TMC1: variants seen among roughly 807,000 people sequenced by gnomAD.
TMC1 encodes the protein transmembrane channel like 1, also known as transmembrane channel-like protein 1.
In TMC1, 84 loss-of-function variants were observed where a neutral mutation model predicts 105.8. The ratio of observed to expected loss-of-function variants is 0.79; its 90% CI spans 0.67 to 0.95. The LOEUF (loss-of-function observed/expected upper bound fraction) is 0.95. Ranked by LOEUF, TMC1 falls within the 40% of genes least tolerant of loss-of-function variation. The pLI is 0.00. For synonymous variants in TMC1, 315 were observed against 311.5 expected, an observed-to-expected ratio of 1.01 and a Z score of -0.12; for missense variants, 817 against 914.1, an observed-to-expected ratio of 0.89 and a Z score of 1.37.
In TMC1 at chr9:72,660,653, T is replaced by C. The variant is rs560749371; in HGVS notation, c.16+11989T>C. Among the ~76,000 whole-genome samples, 13 of 152,300 alleles carry C rather than the reference T, an allele frequency of 8.5e-5. No individual in the cohort carries two copies. In the East Asian group the frequency reaches 2.5e-3, roughly 29 times the overall value. Reference sequence around the variant, plus strand: ...AATAGATGTATTCTAGGTTTTCATATCTTTATGGCAATATGAATAGACAAG... The same window carrying C: ...AATAGATGTATTCTAGGTTTTCATACCTTTATGGCAATATGAATAGACAAG... On this transcript the variant is annotated intron_variant, in intron 5 of 23. Coordinates refer to ENST00000297784, the MANE Select transcript of TMC1 (RefSeq NM_138691.3).
chr9:72,681,196 C>T (rs766055482), intron 5 of TMC1, among the ~76,000 whole-genome samples: 3 of 151,930 alleles, frequency 2.0e-5, no homozygotes, highest in Non-Finnish European at 2.9e-5. Flanking sequence ...CAGTGGTTGC[C>T]CTTTATGGTG....
At position 72,684,485 on chromosome 9, in the gene TMC1, C is replaced by T. The variant is rs576707618; in HGVS notation, c.17-4224C>T. On this transcript the variant is annotated intron_variant, in intron 5 of 23. Transcript: ENST00000297784. ...TCATTTTTGATTTCTTCAGTTTGTT[C>T]TTCTCCTGTTCCTCACCATTTTGAG... 5.9e-5 allele frequency among the ~76,000 whole-genome samples: 9 copies of T among 152,276 alleles called. No homozygotes were observed. In the East Asian group the frequency reaches 1.7e-3, roughly 29 times the overall value.
chr9:72,773,555 C>A (rs980662360), intron 13 of TMC1, among the ~76,000 whole-genome samples: 1 of 152,154 alleles, frequency 6.6e-6, no homozygotes, highest in Non-Finnish European at 1.5e-5. Context: ...TATTTATCAA[C>A]CTGCTAAAGT....
At chr9:72,709,515 A>G (rs1278543930) in intron 8 of TMC1, among the ~76,000 whole-genome samples, 1 of 152,020 alleles carries the variant, frequency 6.6e-6, no homozygotes, top group African/African-American at 2.4e-5. Flanking sequence ...TACTATTTCA[A>G]TTTCATTGCT....
chr9:72,694,091 G>C (rs1051639146), intron 6 of TMC1, among the ~76,000 whole-genome samples: 1 of 152,068 alleles, frequency 6.6e-6, no homozygotes, highest in African/African-American at 2.4e-5. Context: ...CTAGTTTGTA[G>C]CACCTCTTTA....
intron 1 of TMC1, among the ~76,000 whole-genome samples, chr9:72,555,105 C>G (rs893966086): frequency 4.0e-5 from 6 of 151,782 alleles, no homozygotes; most frequent in African/African-American, 1.5e-4. Context: ...TATCAAATTT[C>G]TGACCTCAAG....
At chr9:72,803,552 C>T (rs1828516188) in intron 17 of TMC1, among the ~76,000 whole-genome samples, 1 of 151,970 alleles carries the variant, frequency 6.6e-6, no homozygotes, top group African/African-American at 2.4e-5. Context: ...AACATACAAC[C>T]CCATTAAAAA....
At chr9:72,578,772 T>C (rs113234957) in intron 2 of TMC1, among the ~76,000 whole-genome samples, 2 of 152,366 alleles carry the variant, frequency 1.3e-5, no homozygotes, top group African/African-American at 4.8e-5. Flanking sequence ...TTCATATTTA[T>C]CAAGGAAACC....
chr9:72,699,945 A>G (rs1397972635), intron 7 of TMC1, among the ~76,000 whole-genome samples: 2 of 127,030 alleles, frequency 1.6e-5, no homozygotes, highest in African/African-American at 3.3e-5. Context: ...CAACAGAACG[A>G]GACTCTGTCT....
intron 6 of TMC1, among the ~76,000 whole-genome samples, chr9:72,692,962 T>C (rs55848280): frequency 0.11 from 16,590 of 151,944 alleles, 960 homozygotes; most frequent in Non-Finnish European, 0.14. Context: ...CTACTAAAAA[T>C]ACAAAAAATT....
At chr9:72,710,456 A>G (rs996227178) in intron 8 of TMC1, among the ~76,000 whole-genome samples, 1 of 152,066 alleles carries the variant, frequency 6.6e-6, no homozygotes, top group Non-Finnish European at 1.5e-5. Flanking sequence ...GAAGTCCCCC[A>G]CTATTATTGT....
At chr9:72,552,182 G>T (rs923629048) in intron 1 of TMC1, among the ~76,000 whole-genome samples, 2 of 152,158 alleles carry the variant, frequency 1.3e-5, no homozygotes, top group Non-Finnish European at 2.9e-5. Flanking sequence ...TTCTGCCAGG[G>T]AAGAGGAGAT....
At chr9:72,753,756 G>A (rs898631422) in intron 11 of TMC1, among the ~76,000 whole-genome samples, 4 of 152,162 alleles carry the variant, frequency 2.6e-5, no homozygotes, top group Non-Finnish European at 4.4e-5. Context: ...GCCTCTACCC[G>A]ACGGGCTCAC....
rs753600914 is a variant in TMC1, at chr9:72,791,928, T to C, written c.1267T>C (p.Leu423=). ...CCTCCTAGGGATGTTCTGTCCAACA[T>C]TGTTTGACTTATTTGCTGAATTAGA... ...MSLLGMFCPT[L]FDLFAELEDY... Residue 423 remains leucine (L), a synonymous_variant, in exon 16 of 24, where the codon TTG becomes CTG. Coordinates refer to ENST00000297784, the MANE Select transcript of TMC1 (RefSeq NM_138691.3). 1 of 1,613,634 alleles carries C rather than the reference T, an allele frequency of 6.2e-7. No individual in the cohort carries two copies. The highest frequency in any genetic ancestry group is 8.5e-7 in the Non-Finnish European group (1 of 1,179,904).
intron 5 of TMC1, among the ~76,000 whole-genome samples, chr9:72,685,100 CTTTTTTTTTT>C (rs71359515): frequency 1.1e-5 from 1 of 91,064 alleles, no homozygotes; most frequent in African/African-American, 4.7e-5. Flanking sequence ...TAAAGTCATT[CTTTTTTTTTT>C]TTTTTTTTTT....
chr9:72,614,568 AAGGG>A (rs1825089383), intron 2 of TMC1, among the ~76,000 whole-genome samples: 1 of 152,206 alleles, frequency 6.6e-6, no homozygotes, highest in African/African-American at 2.4e-5. Flanking sequence ...CAAGGTTTTC[AAGGG>A]AATAACTTGG....
At chr9:72,571,326 AAAAAG>A (rs1330383880) in intron 1 of TMC1, among the ~76,000 whole-genome samples, 1 of 152,050 alleles carries the variant, frequency 6.6e-6, no homozygotes, top group South Asian at 2.1e-4. Flanking sequence ...CTGTCTCAAA[AAAAAG>A]AAAAGAAAAG....
At chr9:72,589,761 A>T (rs1824605823) in intron 2 of TMC1, among the ~76,000 whole-genome samples, 1 of 152,190 alleles carries the variant, frequency 6.6e-6, no homozygotes, top group Admixed American at 6.5e-5. Context: ...TGGGTTATAA[A>T]ACCATAAAAT....
chr9:72,530,259 A>G (rs1823476762), intron 1 of TMC1, among the ~76,000 whole-genome samples: 1 of 151,948 alleles, frequency 6.6e-6, no homozygotes, highest in Non-Finnish European at 1.5e-5. Flanking sequence ...ACTCACTGCA[A>G]CCTGTCTCCC....
Sources: gnomAD v4.1 joint callset for allele counts (sites outside exome capture counted in the v4.1 genomes callset) on GRCh38, gnomAD v4.1.1 for gene constraint, MANE v1.5 for transcripts, NCBI Gene and HGNC (gene_info 2026-07-23, HGNC 2026-07-21) for gene names.